SLC17A6: variants seen among roughly 807,000 people sequenced by gnomAD.
SLC17A6 encodes vesicular glutamate transporter 2.
Under a neutral mutation model 67.1 loss-of-function variants are expected in SLC17A6, and 35 were observed. The observed-to-expected ratio is 0.52, with a 90% CI of 0.40 to 0.69. The LOEUF is 0.69. Among genes scored for constraint, SLC17A6 ranks in the 30% least tolerant of loss-of-function variants. The probability of loss-of-function intolerance (pLI) is 0.00; values close to 1 mark genes in which losing one functional copy is unlikely to be tolerated. For missense variants in SLC17A6, 588 were observed against 723.9 expected (o/e 0.81, Z 2.15); for synonymous variants, 285 against 252.3 (o/e 1.13, Z -1.23).
intron 4 of SLC17A6, among the ~76,000 whole-genome samples, chr11:22,359,858 C>T (rs1856030068): frequency 6.6e-6 from 1 of 151,900 alleles, no homozygotes; most frequent in African/African-American, 2.4e-5. Flanking sequence ...TGGTGATAAC[C>T]ATGAATTAGT....
At chr11:22,339,203 A>G (rs991646908) in intron 1 of SLC17A6, among the ~76,000 whole-genome samples, 3 of 137,266 alleles carry the variant, frequency 2.2e-5, no homozygotes, top group South Asian at 2.3e-4. Context: ...ATATATATAT[A>G]TGTTAGAGAG....
intron 7 of SLC17A6, among the ~76,000 whole-genome samples, chr11:22,368,464 A>G (rs887674814): frequency 3.9e-5 from 6 of 152,052 alleles, no homozygotes; most frequent in African/African-American, 1.4e-4. Flanking sequence ...GAGTTCAATA[A>G]ATAGAACATT....
chr11:22,369,615 A>G (rs764476977), intron 7 of SLC17A6, among the ~76,000 whole-genome samples: 5 of 151,962 alleles, frequency 3.3e-5, no homozygotes, highest in Non-Finnish European at 7.4e-5. Flanking sequence ...TCATGAATAC[A>G]TTGGATTTTC....
Position 22,362,788 on chromosome 11 carries a change from G to A in SLC17A6, c.711G>A (p.Val237=). ...VIAMPLAGIL[V]QYTGWSSVFY... is the part of the protein sequence containing the mutation. ...CAATGCCTTTAGCTGGCATTCTTGTGCAGTACACTGGCTGGTCTTCAGTGT... is the reference window on the plus strand; with the variant it reads ...CAATGCCTTTAGCTGGCATTCTTGTACAGTACACTGGCTGGTCTTCAGTGT... Residue 237 remains valine, a synonymous_variant, in exon 6 of 12, where the codon GTG becomes GTA. Transcript: ENST00000263160. The A allele has an allele frequency of 2.5e-6, 4 of 1,613,812 alleles. No individual in the cohort carries two copies. The highest frequency in any genetic ancestry group is 3.4e-6 in the Non-Finnish European group (4 of 1,179,746).
chr11:22,369,382 CAA>C (rs1238194002), intron 7 of SLC17A6, among the ~76,000 whole-genome samples: 1 of 151,770 alleles, frequency 6.6e-6, no homozygotes, highest in Non-Finnish European at 1.5e-5. Flanking sequence ...AATTATGTGC[CAA>C]AGGTACGCTG....
chr11:22,374,093 G>C (rs867563786), intron 8 of SLC17A6, among the ~76,000 whole-genome samples: 63 of 152,224 alleles, frequency 4.1e-4, no homozygotes, highest in African/African-American at 1.4e-3. Flanking sequence ...ACAGTGCTTT[G>C]TGTGTAAGTA....
intron 6 of SLC17A6, 103 bp downstream of exon 6, chr11:22,362,928 A>G (rs1290105233): frequency 1.2e-6 from 1 of 807,830 alleles, no homozygotes. Flanking sequence ...TTCTATGTTT[A>G]CTTACTTATT....
intron 3 of SLC17A6, among the ~76,000 whole-genome samples, chr11:22,345,819 G>A (rs368628640): frequency 1.3e-5 from 2 of 151,946 alleles, no homozygotes; most frequent in African/African-American, 2.4e-5. Context: ...TTGCACATTA[G>A]TAAGAAAAAA....
At chr11:22,359,724 G>A (rs1035668913) in intron 4 of SLC17A6, among the ~76,000 whole-genome samples, 197 bp downstream of exon 4, 2 of 152,074 alleles carry the variant, frequency 1.3e-5, no homozygotes, top group Non-Finnish European at 2.9e-5. Context: ...GAATATCACT[G>A]CTTATCTCCT....
chr11:22,372,859 CATG>C (rs1345846236), intron 8 of SLC17A6, among the ~76,000 whole-genome samples: 6 of 152,146 alleles, frequency 3.9e-5, no homozygotes, highest in African/African-American at 1.2e-4. Flanking sequence ...AGTGATTACT[CATG>C]ATAAGTCCCC....
At chr11:22,367,534 C>G (rs2665717) in intron 7 of SLC17A6, among the ~76,000 whole-genome samples, 36,264 of 151,990 alleles carry the variant, frequency 0.24, 4,911 homozygotes, top group African/African-American at 0.37. Flanking sequence ...TGGAAGATTG[C>G]TAGTATGCAC....
At position 22,379,107 on chromosome 11, in the gene SLC17A6, C is replaced by T. The variant is rs557806847; in HGVS notation, c.*1367C>T. The T allele has an allele frequency of 1.3e-5, 2 of 152,512 alleles. No individual in the cohort carries two copies. Among genetic ancestry groups the T allele is most frequent in the South Asian group, 2.1e-4 (1 of 4,822 alleles). 9.4% of individuals were successfully genotyped at this position (152,512 alleles called of 1,614,324 possible). Reference sequence around the variant, plus strand: ...CTGTCTGTATATTACCTTCATTTTGCTTGTAGTAGCTGTTTGGGTGGTTGG... The same window carrying T: ...CTGTCTGTATATTACCTTCATTTTGTTTGTAGTAGCTGTTTGGGTGGTTGG... On this transcript the variant is annotated 3_prime_UTR_variant, in exon 12 of 12. Transcript: ENST00000263160.
chr11:22,374,791 A>G lies in SLC17A6; in HGVS notation c.1078A>G (p.Thr360Ala). Reference protein sequence around the residue: ...MLSAVPHLVMTIIVPIGGQIA... With the variant: ...MLSAVPHLVMAIIVPIGGQIA... Reference sequence around the variant, plus strand: ...ATCTGCTGTGCCACACTTAGTAATGACAATTATTGTGCCTATTGGGGGACA... The same window carrying G: ...ATCTGCTGTGCCACACTTAGTAATGGCAATTATTGTGCCTATTGGGGGACA... The change falls in exon 9 of 12, where the codon ACA (threonine) becomes GCA (alanine). Residue 360 changes from threonine (T) to alanine (A), a missense_variant. By Grantham distance (58) the Thr-to-Ala change is moderately conservative (BLOSUM62 0). Around this residue, in one of 4 missense-constraint regions of SLC17A6, gnomAD observed 414 missense variants for 563.4 expected, o/e 0.73. Coordinates refer to ENST00000263160, the MANE Select transcript of SLC17A6 (RefSeq NM_020346.3). 1.9e-6 allele frequency: 3 copies of G among 1,613,054 alleles called. No individual in the cohort carries two copies. Among genetic ancestry groups the G allele is most frequent in the Non-Finnish European group, 8.5e-7 (1 of 1,179,634 alleles).
chr11:22,344,090 C>T (rs1400816100), intron 3 of SLC17A6, among the ~76,000 whole-genome samples: 1 of 152,108 alleles, frequency 6.6e-6, no homozygotes, highest in South Asian at 2.1e-4. Context: ...CGCTTGGCCA[C>T]CAGAAGGTGA....
intron 8 of SLC17A6, among the ~76,000 whole-genome samples, chr11:22,371,664 G>C (rs779485482): frequency 6.6e-6 from 1 of 152,010 alleles, no homozygotes. Flanking sequence ...TTTTGGTCCT[G>C]TAGCTCCAAT....
rs1230168797 is a variant in SLC17A6, at chr11:22,352,391, C to T, written c.459-7022C>T. On this transcript the variant is annotated intron_variant, in intron 3 of 11. Transcript: ENST00000263160. ...CCTAGAATTGATAGGATACCCAGAA[C>T]AGCAGTCTGTCCCTATTAAAAGCTA... Among the ~76,000 whole-genome samples, 3 of 152,176 alleles carry T rather than the reference C, an allele frequency of 2.0e-5. No individual in the cohort carries two copies. The East Asian group carries it at 5.8e-4, about 29-fold the overall frequency.
intron 9 of SLC17A6, among the ~76,000 whole-genome samples, chr11:22,375,741 A>G (rs939348905): frequency 5.9e-5 from 9 of 152,084 alleles, no homozygotes; most frequent in Non-Finnish European, 4.4e-5. Context: ...CGGCCTCTCA[A>G]AGTTCTGGGA....
At chr11:22,356,145 T>C (rs370112396) in intron 3 of SLC17A6, among the ~76,000 whole-genome samples, 1 of 152,338 alleles carries the variant, frequency 6.6e-6, no homozygotes, top group East Asian at 1.9e-4. Flanking sequence ...GAGGAAAGTG[T>C]AACAACTCAG....
At chr11:22,346,123 C>A (rs1188022444) in intron 3 of SLC17A6, among the ~76,000 whole-genome samples, 1 of 152,096 alleles carries the variant, frequency 6.6e-6, no homozygotes, top group Non-Finnish European at 1.5e-5. Flanking sequence ...ATTTCCTTTG[C>A]ATGTGATATT....
Sources: allele counts gnomAD v4.1 joint callset (sites outside exome capture counted in the v4.1 genomes callset), GRCh38; gene constraint gnomAD v4.1.1; regional missense constraint gnomAD v4.1.1; transcripts MANE v1.5; gene names NCBI Gene and HGNC (gene_info 2026-07-23, HGNC 2026-07-21).